UST: variants seen among roughly 807,000 people sequenced by gnomAD.
UST encodes the protein chondroitin sulfate 2-O-sulfotransferase.
A neutral mutation model predicts 45.6 loss-of-function variants in UST; 21 were observed. That is an observed-to-expected ratio of 0.46 (90% confidence interval 0.33 to 0.66). The LOEUF (loss-of-function observed/expected upper bound fraction) is 0.66. Ranked by LOEUF, UST falls within the 30% of genes least tolerant of loss-of-function variation. The pLI is 0.02. For synonymous variants in UST, 215 were observed against 200.6 expected (o/e 1.07, Z -0.61); for missense variants, 463 against 512.4 (o/e 0.90, Z 0.93).
chr6:148,821,656 T>A (rs1332701379), intron 1 of UST, among the ~76,000 whole-genome samples: 1 of 152,244 alleles, frequency 6.6e-6, no homozygotes, highest in Non-Finnish European at 1.5e-5. Context: ...CATCCGTTGA[T>A]GATTCTCGTC....
Position 149,003,517 on chromosome 6 carries a change from C to T in UST, c.682-15622C>T, listed in dbSNP as rs375795677. On this transcript the variant is annotated intron_variant, in intron 5 of 7. Coordinates refer to ENST00000367463, the MANE Select transcript of UST (RefSeq NM_005715.3). The stretch of plus-strand genomic sequence containing the variant: ...AATGGGGCTAACCTCTGCTGAAAGA[C>T]ATTCTTTGTGCTAAGGTTTCTGACA... 5.3e-5 allele frequency among the ~76,000 whole-genome samples: 8 copies of T among 151,658 alleles called. No homozygotes were observed. The East Asian group carries it at 9.6e-4, about 18-fold the overall frequency.
At chr6:148,918,313 A>G (rs1165313229) in intron 2 of UST, among the ~76,000 whole-genome samples, 2 of 152,234 alleles carry the variant, frequency 1.3e-5, no homozygotes, top group Non-Finnish European at 2.9e-5. Flanking sequence ...GTACTTGGAA[A>G]AGAAGCATTT....
At chr6:148,778,126 T>TA (rs1776569685) in intron 1 of UST, among the ~76,000 whole-genome samples, 1 of 152,120 alleles carries the variant, frequency 6.6e-6, no homozygotes, top group South Asian at 2.1e-4. Context: ...AATTGAAAAG[T>TA]AAAAAATAAA....
chr6:148,880,973 A>G (rs1401894931), intron 1 of UST, among the ~76,000 whole-genome samples: 3 of 150,056 alleles, frequency 2.0e-5, no homozygotes, highest in Admixed American at 6.6e-5. Flanking sequence ...AGCTTGCAGT[A>G]AGCCGAGATC....
At chr6:148,879,221 A>G (rs1040603053) in intron 1 of UST, among the ~76,000 whole-genome samples, 1 of 152,164 alleles carries the variant, frequency 6.6e-6, no homozygotes, top group Non-Finnish European at 1.5e-5. Context: ...GGTGCTGACC[A>G]GAACAGCTTG....
intron 2 of UST, among the ~76,000 whole-genome samples, chr6:148,907,865 C>G (rs1487673745): frequency 2.0e-5 from 3 of 148,920 alleles, no homozygotes; most frequent in African/African-American, 7.4e-5. Context: ...ATTTTAACAG[C>G]TGTCCATTTG....
chr6:149,015,852 G>A (rs1197095805), intron 5 of UST, among the ~76,000 whole-genome samples: 1 of 152,206 alleles, frequency 6.6e-6, no homozygotes, highest in Non-Finnish European at 1.5e-5. Context: ...GCCACTGTAA[G>A]TGCAGCTCAT....
chr6:149,053,970 A>G (rs147819915), intron 7 of UST, among the ~76,000 whole-genome samples: 117 of 152,308 alleles, frequency 7.7e-4, no homozygotes, highest in African/African-American at 2.7e-3. Context: ...CAGGGTGGGA[A>G]TAATGGCTCT....
At chr6:149,052,251 A>G (rs890297343) in intron 7 of UST, among the ~76,000 whole-genome samples, 1 of 152,184 alleles carries the variant, frequency 6.6e-6, no homozygotes, top group East Asian at 1.9e-4. Context: ...GCATTTTTCT[A>G]TTTCAGTGGC....
intron 1 of UST, among the ~76,000 whole-genome samples, chr6:148,750,751 C>A (rs957418861): frequency 1.3e-5 from 2 of 152,196 alleles, no homozygotes; most frequent in African/African-American, 4.8e-5. Flanking sequence ...ATAATTCAAG[C>A]AGCTGGTTTG....
At chr6:149,029,390 G>A (rs138301618) in intron 7 of UST, among the ~76,000 whole-genome samples, 1,992 of 142,684 alleles carry the variant, frequency 0.014, 55 homozygotes, top group African/African-American at 0.047. Flanking sequence ...TATATTGTAT[G>A]TTATATATTA....
intron 5 of UST, among the ~76,000 whole-genome samples, chr6:149,014,254 T>G (rs894964846): frequency 6.6e-6 from 1 of 151,946 alleles, no homozygotes; most frequent in Non-Finnish European, 1.5e-5. Context: ...CCCTGCAAGG[T>G]GGGTGGGAAG....
chr6:148,753,636 T>C (rs1262543541), intron 1 of UST, among the ~76,000 whole-genome samples: 1 of 152,232 alleles, frequency 6.6e-6, no homozygotes, highest in African/African-American at 2.4e-5. Context: ...GCTATGAACA[T>C]TTGTGTTGCA....
chr6:148,808,276 T>C (rs1777188636), intron 1 of UST, among the ~76,000 whole-genome samples: 1 of 152,220 alleles, frequency 6.6e-6, no homozygotes, highest in Non-Finnish European at 1.5e-5. Context: ...GTTCTGTGGC[T>C]TTGGGACCAG....
At chr6:149,068,424 A>G (rs1440778679) in intron 7 of UST, among the ~76,000 whole-genome samples, 1 of 152,220 alleles carries the variant, frequency 6.6e-6, no homozygotes, top group Non-Finnish European at 1.5e-5. Context: ...GATTGTGTGT[A>G]CAAGTGCTTA....
rs181334454 is a variant in UST at position 148,924,579 on chromosome 6, G to A, written c.292-16700G>A. Among the ~76,000 whole-genome samples, 55 of 152,312 alleles carry A rather than the reference G, an allele frequency of 3.6e-4. 1 individual carries two copies. The highest frequency in any genetic ancestry group is 3.5e-3 in the Admixed American group (54 of 15,306). Reference sequence around the variant, plus strand: ...GGCACTTGGCTTTGGCTGTCCTCCTGTGCATTGCATTTGAGCAGAGCAATG... The same window carrying A: ...GGCACTTGGCTTTGGCTGTCCTCCTATGCATTGCATTTGAGCAGAGCAATG... On this transcript the variant is annotated intron_variant, in intron 2 of 7. Transcript: ENST00000367463.
intron 2 of UST, among the ~76,000 whole-genome samples, chr6:148,891,360 C>T (rs1323530756): frequency 6.6e-6 from 1 of 152,152 alleles, no homozygotes; most frequent in South Asian, 2.1e-4. Flanking sequence ...ACATCCCAAA[C>T]CCCATAGATA....
intron 5 of UST, among the ~76,000 whole-genome samples, chr6:149,005,924 G>A (rs1424850989): frequency 6.6e-6 from 1 of 152,126 alleles, no homozygotes; most frequent in African/African-American, 2.4e-5. Flanking sequence ...GATTTGAAGA[G>A]GGAGCAGTGC....
At chr6:149,052,824 A>G (rs1776507626) in intron 7 of UST, among the ~76,000 whole-genome samples, 1 of 152,182 alleles carries the variant, frequency 6.6e-6, no homozygotes, top group Non-Finnish European at 1.5e-5. Flanking sequence ...ACTAGTTGGA[A>G]TTACTAAAAT....
Sources: gnomAD v4.1 joint callset for allele counts (sites outside exome capture counted in the v4.1 genomes callset) on GRCh38, gnomAD v4.1.1 for gene constraint, MANE v1.5 for transcripts, NCBI Gene and HGNC (gene_info 2026-07-23, HGNC 2026-07-21) for gene names.